The following DGCR8 variants were observed in gnomAD, a reference collection of about 807,000 sequenced individuals.
The protein encoded by DGCR8 is microprocessor complex subunit DGCR8.
DGCR8 carries 14 observed loss-of-function variants against 78.5 expected under a neutral mutation model. That is an observed-to-expected ratio of 0.18 (90% CI 0.12 to 0.28). The LOEUF is 0.28. Among genes scored for constraint, DGCR8 ranks in the 10% least tolerant of loss-of-function variants. The pLI, the probability that DGCR8 is intolerant of heterozygous loss-of-function variation, is 1.00. For synonymous variants in DGCR8, 399 were observed against 402.4 expected, an observed-to-expected ratio of 0.99 and a Z score of 0.10; for missense variants, 702 against 1,022.5, an observed-to-expected ratio of 0.69 and a Z score of 4.28.
chr22:20,101,070 C>A, intron 9 of DGCR8: 2 of 468,596 alleles, frequency 4.3e-6, no homozygotes, highest in Non-Finnish European at 5.6e-6. Context: ...CCGGGGAGCC[C>A]ACCCTGGCCA....
chr22:20,109,986 C>T (rs376018418), intron 13 of DGCR8, 39 bp from the exon 14 acceptor site: 15 of 1,603,522 alleles, frequency 9.4e-6, no homozygotes, highest in African/African-American at 1.3e-5. Context: ...TCTGCCAAGC[C>T]CACCTCACTG....
At position 20,087,423 on chromosome 22, in the gene DGCR8, G is replaced by C. The variant is rs577010235; in HGVS notation, c.880+102G>C. ...AGAGAGCTCTGGTGCCAGGTAGTGG[G>C]CTGGGTGGAGGCATGTTTGAGGACA... On this transcript the variant is annotated intron_variant, in intron 3 of 13. Transcript: ENST00000351989. The surrounding 1 kb of genome is among the most constrained non-coding windows in gnomAD (Gnocchi z 4.1). 7.3e-7 allele frequency: 1 copy of C among 1,360,896 alleles called. No homozygotes were observed. Among genetic ancestry groups the C allele is most frequent in the East Asian group, 2.5e-5 (1 of 40,268 alleles). The allele number at this position is 1,360,896 out of a possible 1,614,324, so 84.3% of individuals were successfully genotyped here.
intron 11 of DGCR8, 142 bp downstream of exon 11, chr22:20,106,840 C>A: frequency 1.5e-6 from 1 of 653,882 alleles, no homozygotes; most frequent in East Asian, 2.7e-5. Context: ...ACACGTTCAG[C>A]CTAAGGCGGA....
Position 20,089,837 on chromosome 22 carries a change from T to C in DGCR8, c.1023+26T>C. ...GTAGGGGAGGCATCAGTCGTGACTT[T>C]AGGCTTGTAAGTTCTCAGACCAAAA... is the stretch of plus-strand genomic sequence containing the variant. On this transcript the variant is annotated intron_variant, in intron 4 of 13. Transcript: ENST00000351989. The surrounding 1 kb of genome is among the most constrained non-coding windows in gnomAD (Gnocchi z 4.9). 1 of 1,611,748 alleles carries C rather than the reference T, an allele frequency of 6.2e-7. No individual in the cohort carries two copies.
Position 20,085,856 on chromosome 22 carries a change from C to A in DGCR8, c.-108C>A. 6.7e-7 allele frequency: 1 copy of A among 1,498,250 alleles called. No homozygotes were observed. The highest frequency in any genetic ancestry group is 1.3e-5 in the South Asian group (1 of 74,716). The allele number at this position is 1,498,250 out of a possible 1,614,324, so 92.8% of individuals were successfully genotyped here. On this transcript the variant is annotated 5_prime_UTR_variant, in exon 2 of 14. Transcript: ENST00000351989. This position sits in a 1 kb window ranked among gnomAD's most constrained non-coding sequence, Gnocchi z 6.2. ...TTGACTAAGCCGCCAGCGCACAGCG[C>A]GGCAGGACGCGCCCGGGTCTCAGCG...
intron 12 of DGCR8, 100 bp downstream of exon 12, chr22:20,107,498 C>A: frequency 1.4e-6 from 2 of 1,460,682 alleles, no homozygotes; most frequent in Non-Finnish European, 1.9e-6. Flanking sequence ...GGCAGCTCTG[C>A]TGTTGCTCAC....
intron 7 of DGCR8, 24 bp downstream of exon 7, chr22:20,091,994 A>G: frequency 1.3e-6 from 2 of 1,581,574 alleles, no homozygotes; most frequent in Non-Finnish European, 1.7e-6. Context: ...TCCCCATTTC[A>G]GTCCTAAAGA....
intron 9 of DGCR8, among the ~76,000 whole-genome samples, chr22:20,103,828 A>G (rs1306710012): frequency 1.3e-5 from 2 of 152,304 alleles, no homozygotes; most frequent in South Asian, 2.1e-4. Flanking sequence ...ACTCTGAACT[A>G]CTGTTGAGTT....
intron 3 of DGCR8, among the ~76,000 whole-genome samples, chr22:20,088,265 G>T (rs2049513083): frequency 6.6e-6 from 1 of 152,320 alleles, no homozygotes; most frequent in South Asian, 2.1e-4. Context: ...TGGGGCTTCA[G>T]CTTCTGGGGC....
intron 10 of DGCR8, 63 bp from the exon 11 acceptor site, chr22:20,106,529 T>G: frequency 8.0e-7 from 1 of 1,253,424 alleles, no homozygotes; most frequent in Non-Finnish European, 1.2e-6. Flanking sequence ...AGAGCAGGCC[T>G]CCTCAGAGGC....
chr22:20,100,549 C>T, intron 9 of DGCR8: 1 of 985,360 alleles, frequency 1.0e-6, no homozygotes, highest in African/African-American at 1.7e-5. Flanking sequence ...AGTAAAAGCC[C>T]TGCCTGTTCT....
intron 13 of DGCR8, chr22:20,109,261 G>A: frequency 2.6e-6 from 1 of 389,644 alleles, no homozygotes; most frequent in South Asian, 2.2e-5. Flanking sequence ...GTCTTGGTGG[G>A]CCACCTGAGT....
At chr22:20,083,755 A>G (rs1029514656) in intron 1 of DGCR8, among the ~76,000 whole-genome samples, 5 of 151,928 alleles carry the variant, frequency 3.3e-5, no homozygotes, top group Non-Finnish European at 7.4e-5. Context: ...TCTTCCTTGT[A>G]ATCTGTGGCA....
At chr22:20,094,907 G>A (rs2049610471) in intron 9 of DGCR8, 112 bp downstream of exon 9, 1 of 882,266 alleles carries the variant, frequency 1.1e-6, no homozygotes, top group South Asian at 1.5e-5. Context: ...TCCATGCCCT[G>A]TAGGTTAGTC....
At chr22:20,100,227 C>T (rs9606249) in intron 9 of DGCR8, 71,859 of 445,232 alleles carry the variant, frequency 0.16, 6,619 homozygotes, top group Middle Eastern at 0.19. Flanking sequence ...CCACCACGCC[C>T]GGCTAATTTT....
intron 9 of DGCR8, among the ~76,000 whole-genome samples, chr22:20,104,503 C>T (rs549377665): frequency 6.6e-6 from 1 of 152,150 alleles, no homozygotes; most frequent in Non-Finnish European, 1.5e-5. Flanking sequence ...TGAGCGTGCT[C>T]TCTAGCTGTG....
chr22:20,106,887 C>G, intron 11 of DGCR8, 189 bp downstream of exon 11: 1 of 599,202 alleles, frequency 1.7e-6, no homozygotes, highest in East Asian at 2.8e-5. Context: ...CCTGTCTTTT[C>G]CCTTTCCCCC....
chr22:20,109,937 TCTG>T lies in DGCR8; in HGVS notation c.2239-84_2239-82del. On this transcript the variant is annotated intron_variant, in intron 13 of 13. Transcript: ENST00000351989. ...GGGGCTCCAGGGCCTCCTGGCATGA[TCTG>T]CTGGGCTCTCCCTCCACCTTGTGTC... The T allele has an allele frequency of 5.4e-6, 7 of 1,307,254 alleles. No homozygotes were observed. The Admixed American group carries it at 1.2e-4, about 23-fold the overall frequency. 81.0% of individuals were successfully genotyped at this position (1,307,254 alleles called of 1,614,324 possible).
At chr22:20,088,543 C>T (rs2049516351) in intron 3 of DGCR8, among the ~76,000 whole-genome samples, 1 of 152,176 alleles carries the variant, frequency 6.6e-6, no homozygotes, top group Non-Finnish European at 1.5e-5. Context: ...TCCGTATTCC[C>T]TTTGCTTCTT....
Sources: allele counts gnomAD v4.1 joint callset (sites outside exome capture counted in the v4.1 genomes callset), GRCh38; gene constraint gnomAD v4.1.1; non-coding constraint Gnocchi (gnomAD v3.1); transcripts MANE v1.5; gene names NCBI Gene and HGNC (gene_info 2026-07-23, HGNC 2026-07-21).